The following PTPN3 variants were observed in gnomAD, a reference collection of about 807,000 sequenced individuals.
The protein encoded by PTPN3 is tyrosine-protein phosphatase non-receptor type 3.
A neutral mutation model predicts 132.7 loss-of-function variants in PTPN3; 96 were observed. The ratio of observed to expected loss-of-function variants is 0.72; its 90% CI spans 0.61 to 0.86. PTPN3 has a LOEUF of 0.86. PTPN3 is among the 40% of genes least tolerant of loss of function. The probability of loss-of-function intolerance (pLI) is 0.00; values close to 1 mark genes in which losing one functional copy is unlikely to be tolerated. For synonymous variants in PTPN3, 398 were observed against 429.0 expected (o/e 0.93, Z 0.89); for missense variants, 1,125 against 1,159.6 (o/e 0.97, Z 0.43).
At chr9:109,510,569 AAAAAAAAATAT>A in the PTPN3 span, among the ~76,000 whole-genome samples, 164 of 72,350 alleles carry the variant, frequency 2.3e-3, 4 homozygotes, top group Middle Eastern at 0.012. Context: ...AAAAAAAAAA[AAAAAAAAATAT>A]ATATATATAT....
At chr9:109,450,159 T>C in intron 5 of PTPN3, 1 of 984,706 alleles carries the variant, frequency 1.0e-6, no homozygotes, top group Non-Finnish European at 1.2e-6. Flanking sequence ...TCTAATATTA[T>C]TACTTTGATT....
intron 5 of PTPN3, among the ~76,000 whole-genome samples, chr9:109,452,285 A>T (rs926708807): frequency 7.7e-4 from 117 of 151,420 alleles, no homozygotes; most frequent in Admixed American, 9.9e-4. Flanking sequence ...AAAAAAAAAA[A>T]AAGGAAATAA....
intron 19 of PTPN3, among the ~76,000 whole-genome samples, chr9:109,395,659 T>C (rs529655758): frequency 1.3e-3 from 196 of 152,084 alleles, no homozygotes; most frequent in African/African-American, 4.5e-3. Flanking sequence ...TGGTGGCACA[T>C]GTCTGTAGTC....
At chr9:109,508,448 CCG>C in the PTPN3 span, among the ~76,000 whole-genome samples, 1 of 152,206 alleles carries the variant, frequency 6.6e-6, no homozygotes, top group African/African-American at 2.4e-5. Flanking sequence ...GCTTGAGCCA[CCG>C]CGCCTGGCCT....
intron 9 of PTPN3, among the ~76,000 whole-genome samples, chr9:109,434,230 A>T (rs1418593770): frequency 1.3e-5 from 2 of 151,908 alleles, no homozygotes; most frequent in Non-Finnish European, 2.9e-5. Flanking sequence ...TGCAGCCTCA[A>T]CCTCCTGGGC....
chr9:109,417,539 T>A (rs1199472146), intron 14 of PTPN3: 1 of 967,084 alleles, frequency 1.0e-6, no homozygotes, highest in Non-Finnish European at 1.2e-6. Flanking sequence ...CAGGTTTTTT[T>A]TTTTTTCTTT....
chr9:109,380,402 C>T (rs1345736986), intron 25 of PTPN3, among the ~76,000 whole-genome samples: 3 of 152,156 alleles, frequency 2.0e-5, no homozygotes, highest in Admixed American at 2.0e-4. Context: ...ACTATAGGCA[C>T]ATGCCACCAT....
At chr9:109,516,562 G>A in the PTPN3 span, among the ~76,000 whole-genome samples, 1 of 152,052 alleles carries the variant, frequency 6.6e-6, no homozygotes. Context: ...GGTAGAAAAT[G>A]AGGTGGAAAC....
At chr9:109,433,255 T>A in intron 9 of PTPN3, 94 bp from the exon 10 acceptor site, 3 of 1,516,008 alleles carry the variant, frequency 2.0e-6, no homozygotes, top group Non-Finnish European at 1.8e-6. Flanking sequence ...TAAATAGTCA[T>A]ATGTATAGGC....
At chr9:109,449,619 A>G (rs1845117105) in intron 5 of PTPN3, 1 of 985,362 alleles carries the variant, frequency 1.0e-6, no homozygotes, top group African/African-American at 1.7e-5. Flanking sequence ...CGCCCTGGGG[A>G]GACTTCTATT....
intron 19 of PTPN3, among the ~76,000 whole-genome samples, chr9:109,403,846 C>T (rs1841341125): frequency 6.6e-6 from 1 of 152,212 alleles, no homozygotes; most frequent in Non-Finnish European, 1.5e-5. Context: ...CCTTTGTCAA[C>T]AGCCTGAATC....
At chr9:109,524,266 A>C in the PTPN3 span, among the ~76,000 whole-genome samples, 35 of 151,166 alleles carry the variant, frequency 2.3e-4, no homozygotes, top group African/African-American at 8.5e-4. Flanking sequence ...GCAGACAAAC[A>C]AACCAACCCA....
intron 5 of PTPN3, chr9:109,451,105 C>G (rs551701536): frequency 2.1e-6 from 2 of 972,348 alleles, no homozygotes; most frequent in South Asian, 4.8e-5. Context: ...ATAAGATGAT[C>G]TGGCAGCTAG....
chr9:109,536,525 A>T, the PTPN3 span, among the ~76,000 whole-genome samples: 8 of 152,362 alleles, frequency 5.3e-5, 1 homozygote, highest in East Asian at 1.3e-3. Context: ...CAGGCTGTAT[A>T]TGTATCCAAG....
chr9:109,397,286 T>C (rs1451919491), intron 19 of PTPN3, among the ~76,000 whole-genome samples: 1 of 152,218 alleles, frequency 6.6e-6, no homozygotes, highest in Non-Finnish European at 1.5e-5. Flanking sequence ...CAGACCAGCA[T>C]TGTGCCTGGC....
the PTPN3 span, among the ~76,000 whole-genome samples, chr9:109,507,595 T>C: frequency 6.6e-6 from 1 of 152,208 alleles, no homozygotes; most frequent in African/African-American, 2.4e-5. Flanking sequence ...CACACAGTCA[T>C]TGCATCACAG....
chr9:109,499,391 C>G (rs1280486669), upstream of PTPN3, among the ~76,000 whole-genome samples: 2 of 152,086 alleles, frequency 1.3e-5, no homozygotes, highest in African/African-American at 4.8e-5. Context: ...ACAGCCAGTG[C>G]CAAGACCCAA....
At chr9:109,509,642 A>T in the PTPN3 span, among the ~76,000 whole-genome samples, 1 of 152,194 alleles carries the variant, frequency 6.6e-6, no homozygotes, top group East Asian at 1.9e-4. Context: ...TGACTTACTA[A>T]GGCCAGTGTA....
At chr9:109,492,524 T>G (rs1847509798) in intron 1 of PTPN3, among the ~76,000 whole-genome samples, 1 of 152,232 alleles carries the variant, frequency 6.6e-6, no homozygotes. Flanking sequence ...GGGACCCCTT[T>G]TCTATGCCAA....
Sources: allele counts gnomAD v4.1 joint callset (sites outside exome capture counted in the v4.1 genomes callset), GRCh38; gene constraint gnomAD v4.1.1; transcripts MANE v1.5; gene names NCBI Gene and HGNC (gene_info 2026-07-23, HGNC 2026-07-21).